UST: variants seen among roughly 807,000 people sequenced by gnomAD.
The protein encoded by UST is chondroitin sulfate 2-O-sulfotransferase.
A neutral mutation model predicts 45.6 loss-of-function variants in UST; 21 were observed. The observed-to-expected ratio is 0.46, with a 90% CI of 0.33 to 0.66. UST has a LOEUF of 0.66. UST is among the 30% of genes least tolerant of loss of function. The pLI, the probability that UST is intolerant of heterozygous loss-of-function variation, is 0.02. For missense variants in UST, 463 were observed against 512.4 expected (o/e 0.90, Z 0.93); for synonymous variants, 215 against 200.6 (o/e 1.07, Z -0.61).
At position 148,959,717 on chromosome 6, in the gene UST, C is replaced by T. The variant is rs566454819; in HGVS notation, c.528-4693C>T. ...TCCTCTGTGAGTGGGAGCCCTGACCCAAATACCCACCTCCTTCCCCATTTG... is the reference window on the plus strand; with the variant it reads ...TCCTCTGTGAGTGGGAGCCCTGACCTAAATACCCACCTCCTTCCCCATTTG... On this transcript the variant is annotated intron_variant, in intron 4 of 7. Transcript: ENST00000367463. Among the ~76,000 whole-genome samples the T allele has an allele frequency of 6.6e-5, 10 of 152,278 alleles. No individual in the cohort carries two copies. The South Asian group carries it at 1.9e-3, about 28-fold the overall frequency.
At chr6:148,930,574 G>A (rs552844558) in intron 2 of UST, among the ~76,000 whole-genome samples, 9 of 152,260 alleles carry the variant, frequency 5.9e-5, no homozygotes, top group African/African-American at 1.2e-4. Context: ...AAGTTCATAC[G>A]ATGGTGGAAA....
chr6:148,905,186 T>G (rs1337652595), intron 2 of UST, among the ~76,000 whole-genome samples: 1 of 152,170 alleles, frequency 6.6e-6, no homozygotes, highest in African/African-American at 2.4e-5. Flanking sequence ...CAATGATGGG[T>G]ACAGATGGAG....
At chr6:148,958,520 T>C (rs1780574182) in intron 4 of UST, among the ~76,000 whole-genome samples, 1 of 152,222 alleles carries the variant, frequency 6.6e-6, no homozygotes, top group Non-Finnish European at 1.5e-5. Flanking sequence ...GTGCTTCTCT[T>C]TGTTAGGATG....
At chr6:148,823,891 A>G (rs1249521119) in intron 1 of UST, among the ~76,000 whole-genome samples, 1 of 152,168 alleles carries the variant, frequency 6.6e-6, no homozygotes, top group Non-Finnish European at 1.5e-5. Context: ...GTCTTCCACT[A>G]TTTGTCTGCA....
intron 1 of UST, among the ~76,000 whole-genome samples, chr6:148,864,754 A>G (rs1423473240): frequency 6.6e-6 from 1 of 152,194 alleles, no homozygotes; most frequent in East Asian, 1.9e-4. Context: ...TGTCATGATT[A>G]ATAGTTATAG....
intron 7 of UST, among the ~76,000 whole-genome samples, chr6:149,052,884 A>G (rs755816296): frequency 6.6e-6 from 1 of 152,222 alleles, no homozygotes; most frequent in African/African-American, 2.4e-5. Flanking sequence ...CAGTAAAGCC[A>G]TTTGTTTCAG....
At chr6:148,988,222 A>G (rs140228884) in intron 5 of UST, among the ~76,000 whole-genome samples, 2 of 152,266 alleles carry the variant, frequency 1.3e-5, no homozygotes, top group Admixed American at 6.5e-5. Flanking sequence ...CTGAAACTTG[A>G]CATTGAACAG....
Position 148,969,806 on chromosome 6 carries a change from C to T in UST, c.681+5243C>T, listed in dbSNP as rs561511054. ...AATTGCCTCACTAGATTCCTTCCCC[C>T]GGGAACCTGTTTCTAAGGAAACTAC... On this transcript the variant is annotated intron_variant, in intron 5 of 7. Transcript: ENST00000367463. Among the ~76,000 whole-genome samples, 49 of 152,304 alleles carry T rather than the reference C, an allele frequency of 3.2e-4. No individual in the cohort carries two copies. In the Middle Eastern group the frequency reaches 0.01, roughly 32 times the overall value.
At chr6:148,981,466 AG>A (rs1231640775) in intron 5 of UST, among the ~76,000 whole-genome samples, 1 of 152,212 alleles carries the variant, frequency 6.6e-6, no homozygotes, top group Non-Finnish European at 1.5e-5. Context: ...CCTGACTGTC[AG>A]CTCCTGAAGG....
intron 1 of UST, among the ~76,000 whole-genome samples, chr6:148,754,672 C>T (rs1776061769): frequency 6.6e-6 from 1 of 152,134 alleles, no homozygotes; most frequent in African/African-American, 2.4e-5. Flanking sequence ...AGACCCTTTT[C>T]AGATATATGA....
intron 1 of UST, among the ~76,000 whole-genome samples, chr6:148,785,257 T>A (rs1327120944): frequency 1.3e-5 from 2 of 151,888 alleles, no homozygotes; most frequent in Non-Finnish European, 2.9e-5. Context: ...TAGACCATTA[T>A]CTTTTATAGT....
chr6:148,901,591 CTT>C (rs1269144242), intron 2 of UST, among the ~76,000 whole-genome samples: 1 of 145,126 alleles, frequency 6.9e-6, no homozygotes, highest in Non-Finnish European at 1.5e-5. Context: ...GAGTTTTGCT[CTT>C]GTCACCCTGA....
intron 1 of UST, among the ~76,000 whole-genome samples, chr6:148,792,524 C>T (rs1358756202): frequency 6.6e-6 from 1 of 152,232 alleles, no homozygotes; most frequent in Non-Finnish European, 1.5e-5. Flanking sequence ...TCCACCTGGC[C>T]ATAAAGTGCC....
At chr6:148,803,413 A>G (rs966719447) in intron 1 of UST, among the ~76,000 whole-genome samples, 3 of 152,208 alleles carry the variant, frequency 2.0e-5, no homozygotes, top group Non-Finnish European at 4.4e-5. Context: ...CCTAACAGAA[A>G]TTTATACATA....
chr6:148,912,775 C>A (rs552549024), intron 2 of UST, among the ~76,000 whole-genome samples: 1 of 152,220 alleles, frequency 6.6e-6, no homozygotes, highest in Non-Finnish European at 1.5e-5. Flanking sequence ...TTAACAAACT[C>A]TCTTTGGAGA....
intron 2 of UST, among the ~76,000 whole-genome samples, chr6:148,908,403 A>G (rs1779408583): frequency 6.6e-6 from 1 of 152,216 alleles, no homozygotes; most frequent in South Asian, 2.1e-4. Flanking sequence ...ACTCAAAGCC[A>G]GTTAGTACAT....
chr6:148,814,829 G>C (rs1777325647), intron 1 of UST, among the ~76,000 whole-genome samples: 1 of 152,154 alleles, frequency 6.6e-6, no homozygotes, highest in South Asian at 2.1e-4. Flanking sequence ...GGCTTCACTG[G>C]TATAGAGGGG....
At chr6:149,039,968 A>G (rs1172354045) in intron 7 of UST, among the ~76,000 whole-genome samples, 1 of 152,198 alleles carries the variant, frequency 6.6e-6, no homozygotes, top group Non-Finnish European at 1.5e-5. Context: ...TCAGAACAGC[A>G]TGTAAAGCAT....
intron 1 of UST, among the ~76,000 whole-genome samples, chr6:148,882,357 G>A (rs932809125): frequency 1.3e-5 from 2 of 151,858 alleles, no homozygotes; most frequent in African/African-American, 4.8e-5. Context: ...ATGTTGGCGG[G>A]TGCCTGTAAT....
Sources: allele counts gnomAD v4.1 joint callset (sites outside exome capture counted in the v4.1 genomes callset), GRCh38; gene constraint gnomAD v4.1.1; transcripts MANE v1.5; gene names NCBI Gene and HGNC (gene_info 2026-07-23, HGNC 2026-07-21).